SCAPER: variants seen among roughly 807,000 people sequenced by gnomAD.
SCAPER encodes the protein S phase cyclin A-associated protein in the endoplasmic reticulum.
Under a neutral mutation model 182.2 loss-of-function variants are expected in SCAPER, and 98 were observed. The ratio of observed to expected loss-of-function variants is 0.54; its 90% CI spans 0.46 to 0.64. SCAPER has a LOEUF of 0.64. Among genes scored for constraint, SCAPER ranks in the 30% least tolerant of loss-of-function variants. The pLI, the probability that SCAPER is intolerant of heterozygous loss-of-function variation, is 0.00. For synonymous variants in SCAPER, 605 were observed against 564.6 expected, an observed-to-expected ratio of 1.07 and a Z score of -1.01; for missense variants, 1,432 against 1,690.0, an observed-to-expected ratio of 0.85 and a Z score of 2.68.
chr15:76,536,094 A>G (rs976285613), intron 23 of SCAPER, among the ~76,000 whole-genome samples: 3 of 152,360 alleles, frequency 2.0e-5, no homozygotes, highest in African/African-American at 7.2e-5. Context: ...TCTTACAGAG[A>G]CTACTTCTAT....
At chr15:76,692,322 G>A (rs2058404947) in intron 20 of SCAPER, among the ~76,000 whole-genome samples, 1 of 152,166 alleles carries the variant, frequency 6.6e-6, no homozygotes, top group Non-Finnish European at 1.5e-5. Context: ...AGAAAAATCA[G>A]AAATTAATAT....
Position 76,827,927 on chromosome 15 carries a change from A to G in SCAPER, c.393+13807T>C, listed in dbSNP as rs529129460. On this transcript the variant is annotated intron_variant, in intron 5 of 31. Coordinates refer to ENST00000563290, the MANE Select transcript of SCAPER (RefSeq NM_020843.4). Reference sequence around the variant, plus strand: ...TTGAAATTTAATCCTCAATTGTGGCAGTACTGAGAGGCATGGCTTTAAGGG... The same window carrying G: ...TTGAAATTTAATCCTCAATTGTGGCGGTACTGAGAGGCATGGCTTTAAGGG... Among the ~76,000 whole-genome samples the G allele has an allele frequency of 3.0e-4, 45 of 152,308 alleles. 1 individual carries two copies. In the South Asian group the frequency reaches 6.0e-3, roughly 20 times the overall value.
Position 76,603,237 on chromosome 15 carries a change from C to T in SCAPER, c.2711+18527G>A, listed in dbSNP as rs537891555. 2.6e-3 allele frequency among the ~76,000 whole-genome samples: 309 copies of T among 118,666 alleles called. 32 individuals are homozygous for T. Among genetic ancestry groups the T allele is most frequent in the African/African-American group, 7.6e-3 (299 of 39,338 alleles). The allele number at this position is 118,666 out of a possible 152,430, so 77.8% of individuals were successfully genotyped here. On this transcript the variant is annotated intron_variant, in intron 22 of 31. Coordinates refer to ENST00000563290, the MANE Select transcript of SCAPER (RefSeq NM_020843.4). ...AGTGTGATGTTCCCCTTCCTGTGTC[C>T]ATGTGTTCTCATTGTTCAATTCCCA...
At chr15:76,543,114 G>T (rs1354577923) in intron 23 of SCAPER, among the ~76,000 whole-genome samples, 1 of 152,062 alleles carries the variant, frequency 6.6e-6, no homozygotes, top group Non-Finnish European at 1.5e-5. Flanking sequence ...ACAGTTTGTA[G>T]AATGTCACAA....
intron 27 of SCAPER, among the ~76,000 whole-genome samples, chr15:76,386,150 C>T (rs556374736): frequency 4.6e-5 from 7 of 152,248 alleles, no homozygotes; most frequent in African/African-American, 1.2e-4. Flanking sequence ...TCTTGCCTCC[C>T]GTCTTTATTT....
At chr15:76,899,752 T>G (rs1353097267) in intron 1 of SCAPER, among the ~76,000 whole-genome samples, 2 of 149,366 alleles carry the variant, frequency 1.3e-5, no homozygotes, top group Non-Finnish European at 3.0e-5. Flanking sequence ...GTCTGGGATG[T>G]GAGGAGCACC....
intron 15 of SCAPER, among the ~76,000 whole-genome samples, chr15:76,747,010 T>A (rs1346818947): frequency 6.6e-6 from 1 of 152,132 alleles, no homozygotes; most frequent in East Asian, 1.9e-4. Context: ...AAACCAAACC[T>A]CAATTCACAT....
intron 22 of SCAPER, among the ~76,000 whole-genome samples, chr15:76,612,340 T>G (rs2051077068): frequency 6.6e-6 from 1 of 152,134 alleles, no homozygotes; most frequent in Non-Finnish European, 1.5e-5. Flanking sequence ...CAGGCTCAGG[T>G]GATTCTCCCA....
intron 1 of SCAPER, among the ~76,000 whole-genome samples, chr15:76,890,907 CA>C (rs1278831246): frequency 6.6e-6 from 1 of 152,182 alleles, no homozygotes; most frequent in African/African-American, 2.4e-5. Context: ...AACATTGATG[CA>C]AAAATCCTCA....
At chr15:76,554,674 C>T (rs1357937409) in intron 23 of SCAPER, among the ~76,000 whole-genome samples, 1 of 151,618 alleles carries the variant, frequency 6.6e-6, no homozygotes, top group African/African-American at 2.4e-5. Flanking sequence ...ACAGAAAAGG[C>T]AGCTAGAGAG....
chr15:76,776,150 C>G (rs2063732746), intron 8 of SCAPER, among the ~76,000 whole-genome samples: 1 of 152,126 alleles, frequency 6.6e-6, no homozygotes, highest in East Asian at 1.9e-4. Context: ...TTCCTTACTG[C>G]CTCCTATGTA....
chr15:76,579,737 G>T (rs1167245128), intron 22 of SCAPER, among the ~76,000 whole-genome samples: 1 of 152,094 alleles, frequency 6.6e-6, no homozygotes, highest in Non-Finnish European at 1.5e-5. Flanking sequence ...TGGCCGAATG[G>T]ATTAAAACAA....
At chr15:76,798,418 G>C (rs2065498254) in intron 7 of SCAPER, among the ~76,000 whole-genome samples, 1 of 150,410 alleles carries the variant, frequency 6.6e-6, no homozygotes, top group Admixed American at 6.6e-5. Flanking sequence ...CCTCAAATGG[G>C]ACAGCATCAA....
Position 76,795,324 on chromosome 15 carries a change from T to A in SCAPER, c.728A>T (p.Gln243Leu). The A allele has an allele frequency of 6.2e-7, 1 of 1,613,324 alleles. No individual in the cohort carries two copies. Among genetic ancestry groups the A allele is most frequent in the Non-Finnish European group, 8.5e-7 (1 of 1,179,452 alleles). The change falls in exon 8 of 32, where the codon CAG (glutamine) becomes CTG (leucine). Residue 243 changes from glutamine to leucine, a missense_variant. Physicochemically the swap from Gln to Leu is moderately radical, Grantham distance 113. Transcript: ENST00000563290. ...STASSEITPA[Q>L]SCPPMTVQKA... is the part of the protein sequence containing the mutation. The stretch of plus-strand genomic sequence containing the variant: ...CTGCACTGTCATTGGTGGGCAAGAC[T>A]GGGCGGGTGTTATTTCTGAAGAAGC...
In SCAPER at chr15:76,535,646, ATACAGGTATTGCTGGCC is replaced by A. The variant is rs74267124; in HGVS notation, c.2839-30689_2839-30673del. 6.1e-3 allele frequency among the ~76,000 whole-genome samples: 924 copies of A among 152,180 alleles called. 6 individuals are homozygous for A. Among genetic ancestry groups the A allele is most frequent in the Middle Eastern group, 0.01 (3 of 294 alleles). ...GGAAAATTTATGTTGCCCAGACAAC[ATACAGGTATTGCTGGCC>A]TACAGGTATTGCTGGCCTACAGAAA... On this transcript the variant is annotated intron_variant, in intron 23 of 31. Coordinates refer to ENST00000563290, the MANE Select transcript of SCAPER (RefSeq NM_020843.4).
chr15:76,774,878 GGTCACAAGAGTGTAATGA>G lies in SCAPER; in HGVS notation c.994_1011del (p.Ser332_Asp337del), dbSNP rs1443730105. ...ACCTGGGTTTTTTCGGCAAGAGGAT[GGTCACAAGAGTGTAATGA>G]GTCTTTGGGATGAGATTCTATAGTA... is the stretch of plus-strand genomic sequence containing the variant. On this transcript the variant is annotated inframe_deletion, in exon 9 of 32. Transcript: ENST00000563290. The G allele has an allele frequency of 6.2e-7, 1 of 1,612,242 alleles. No individual in the cohort carries two copies. The highest frequency in any genetic ancestry group is 2.2e-5 in the East Asian group (1 of 44,856).
At chr15:76,791,085 T>G (rs896461203) in intron 8 of SCAPER, among the ~76,000 whole-genome samples, 1 of 152,226 alleles carries the variant, frequency 6.6e-6, no homozygotes, top group African/African-American at 2.4e-5. Flanking sequence ...TTCCCAAAAT[T>G]TGGGCATTAT....
In SCAPER at chr15:76,632,655, T is replaced by C. The variant is rs569776825; in HGVS notation, c.2646-10826A>G. Among the ~76,000 whole-genome samples the C allele has an allele frequency of 2.4e-3, 369 of 152,278 alleles. 2 individuals are homozygous for C. Among genetic ancestry groups the C allele is most frequent in the African/African-American group, 8.4e-3 (350 of 41,562 alleles). On this transcript the variant is annotated intron_variant, in intron 21 of 31. Transcript: ENST00000563290. ...GTTCTGTGCCCTTGCTGGAGACGTG[T>C]TGTGATCATTTGGAGGAGAAGAGGC...
chr15:76,687,576 T>C (rs2058099681), intron 20 of SCAPER, among the ~76,000 whole-genome samples: 1 of 152,150 alleles, frequency 6.6e-6, no homozygotes, highest in Non-Finnish European at 1.5e-5. Flanking sequence ...TTTCTCCTAA[T>C]ACTATCCCTC....
Sources: gnomAD v4.1 joint callset for allele counts (sites outside exome capture counted in the v4.1 genomes callset) on GRCh38, gnomAD v4.1.1 for gene constraint, MANE v1.5 for transcripts, NCBI Gene and HGNC (gene_info 2026-07-23, HGNC 2026-07-21) for gene names.